Variants in RPS6KC1 observed in about 807,000 individuals in gnomAD.
RPS6KC1 encodes ribosomal protein S6 kinase C1.
A neutral mutation model predicts 103.8 loss-of-function variants in RPS6KC1; 54 were observed. That is an observed-to-expected ratio of 0.52 (90% confidence interval 0.42 to 0.65). The LOEUF (loss-of-function observed/expected upper bound fraction) is 0.65, where lower values mean the gene tolerates loss of function less well. Ranked by LOEUF, RPS6KC1 falls within the 30% of genes least tolerant of loss-of-function variation. RPS6KC1 has a pLI of 0.00. For missense variants in RPS6KC1, 1,151 were observed against 1,253.8 expected (o/e 0.92, Z 1.24); for synonymous variants, 439 against 438.7 (o/e 1.00, Z -0.01).
At chr1:213,823,906 A>T in the RPS6KC1 span, among the ~76,000 whole-genome samples, 1 of 152,214 alleles carries the variant, frequency 6.6e-6, no homozygotes, top group Non-Finnish European at 1.5e-5. Flanking sequence ...GATCTCCACA[A>T]TCAGATGAGG....
the RPS6KC1 span, among the ~76,000 whole-genome samples, chr1:213,792,821 C>G: frequency 6.6e-6 from 1 of 151,384 alleles, no homozygotes; most frequent in African/African-American, 2.4e-5. Context: ...TTAAGGAACC[C>G]CCACCCCACC....
chr1:213,552,278 A>C, the RPS6KC1 span, among the ~76,000 whole-genome samples: 1 of 152,242 alleles, frequency 6.6e-6, no homozygotes, highest in Non-Finnish European at 1.5e-5. Context: ...AAAACAAACA[A>C]ACAAAAACCA....
At chr1:213,698,789 T>C in the RPS6KC1 span, among the ~76,000 whole-genome samples, 1 of 152,136 alleles carries the variant, frequency 6.6e-6, no homozygotes, top group Non-Finnish European at 1.5e-5. Flanking sequence ...TTTGTATTTC[T>C]TATGTATGTA....
intron 6 of RPS6KC1, among the ~76,000 whole-genome samples, chr1:213,166,811 C>T (rs2091006405): frequency 6.6e-6 from 1 of 152,176 alleles, no homozygotes; most frequent in Non-Finnish European, 1.5e-5. Flanking sequence ...ATTCGGACTA[C>T]CTCAGGGAAA....
At chr1:213,151,724 G>A (rs2088975087) in intron 6 of RPS6KC1, among the ~76,000 whole-genome samples, 3 of 127,436 alleles carry the variant, frequency 2.4e-5, no homozygotes, top group Admixed American at 2.2e-4. Flanking sequence ...GCCGGGCGGG[G>A]GGCTGACCCC....
At chr1:213,138,587 T>G (rs1443114813) in intron 6 of RPS6KC1, among the ~76,000 whole-genome samples, 1 of 152,244 alleles carries the variant, frequency 6.6e-6, no homozygotes, top group Admixed American at 6.5e-5. Context: ...TAACTTCCAC[T>G]TATAAGTGAG....
rs565425301 is a variant in RPS6KC1 at position 213,234,014 on chromosome 1, CT to C, written c.1225+1775del. On this transcript the variant is annotated intron_variant, in intron 10 of 14. Transcript: ENST00000366960. ...CAAGACAAGAAAATTCTCTCTCTCT[CT>C]TTTTTTTTTTTTTTTGGTTGGGGGG... Among the ~76,000 whole-genome samples the C allele has an allele frequency of 8.5e-3, 1,152 of 134,992 alleles. 8 individuals are homozygous for C. The highest frequency in any genetic ancestry group is 0.018 in the African/African-American group (650 of 36,386). 88.6% of individuals were successfully genotyped at this position (134,992 alleles called of 152,430 possible). A position where few individuals can be genotyped will look rare whatever the true frequency, so the allele number is the denominator to read the frequency against.
the RPS6KC1 span, among the ~76,000 whole-genome samples, chr1:213,748,751 G>A: frequency 6.6e-6 from 1 of 151,990 alleles, no homozygotes; most frequent in East Asian, 1.9e-4. Context: ...ACAATCCTCT[G>A]CTGTCTGTTC....
chr1:213,859,917 C>T, the RPS6KC1 span, among the ~76,000 whole-genome samples: 1 of 151,708 alleles, frequency 6.6e-6, no homozygotes, highest in African/African-American at 2.4e-5. Flanking sequence ...TTCAGAGATG[C>T]ATAATGTAAG....
chr1:213,159,159 A>T (rs984246800), intron 6 of RPS6KC1, among the ~76,000 whole-genome samples: 2 of 152,150 alleles, frequency 1.3e-5, no homozygotes, highest in Admixed American at 6.5e-5. Context: ...CAGGAGGCTT[A>T]GTATACTATA....
the RPS6KC1 span, among the ~76,000 whole-genome samples, chr1:213,726,324 C>T: frequency 6.6e-6 from 1 of 152,200 alleles, no homozygotes; most frequent in Non-Finnish European, 1.5e-5. Flanking sequence ...ACCCTCCTTC[C>T]TTGGCCTCAC....
chr1:213,805,460 C>T, the RPS6KC1 span, among the ~76,000 whole-genome samples: 1 of 152,166 alleles, frequency 6.6e-6, no homozygotes, highest in Non-Finnish European at 1.5e-5. Context: ...TAGATTTCAT[C>T]TCAAAAAAAC....
At chr1:213,634,152 C>G in the RPS6KC1 span, among the ~76,000 whole-genome samples, 2 of 152,068 alleles carry the variant, frequency 1.3e-5, no homozygotes, top group African/African-American at 4.8e-5. Flanking sequence ...ACCCCACTGT[C>G]AATATTAGAC....
At chr1:213,552,178 T>A in the RPS6KC1 span, among the ~76,000 whole-genome samples, 2 of 152,270 alleles carry the variant, frequency 1.3e-5, no homozygotes, top group East Asian at 1.9e-4. Context: ...TGCAGGTTTC[T>A]GTGTGGACAC....
chr1:213,373,846 A>C, the RPS6KC1 span, among the ~76,000 whole-genome samples: 1 of 152,210 alleles, frequency 6.6e-6, no homozygotes, highest in Non-Finnish European at 1.5e-5. Flanking sequence ...TGATAATTTC[A>C]AGAAGGATCT....
chr1:213,752,382 T>A, the RPS6KC1 span, among the ~76,000 whole-genome samples: 1 of 151,806 alleles, frequency 6.6e-6, no homozygotes. Flanking sequence ...GGGTGGCCCC[T>A]GTCTGTGTTG....
intron 3 of RPS6KC1, among the ~76,000 whole-genome samples, chr1:213,097,030 G>C (rs753725148): frequency 6.6e-6 from 1 of 152,130 alleles, no homozygotes; most frequent in South Asian, 2.1e-4. Flanking sequence ...CCAGAGCTTC[G>C]AGTGAACCAG....
At chr1:213,748,263 A>G in the RPS6KC1 span, among the ~76,000 whole-genome samples, 1 of 152,334 alleles carries the variant, frequency 6.6e-6, no homozygotes, top group East Asian at 1.9e-4. Flanking sequence ...AGAAAGTGCC[A>G]TGACATTTCT....
the RPS6KC1 span, among the ~76,000 whole-genome samples, chr1:213,778,703 C>T: frequency 6.6e-6 from 1 of 152,036 alleles, no homozygotes; most frequent in African/African-American, 2.4e-5. Flanking sequence ...CAGTGAGATC[C>T]AAGAAGTGCA....
Sources: gnomAD v4.1 joint callset for allele counts (sites outside exome capture counted in the v4.1 genomes callset) on GRCh38, gnomAD v4.1.1 for gene constraint, MANE v1.5 for transcripts, NCBI Gene and HGNC (gene_info 2026-07-23, HGNC 2026-07-21) for gene names.